The following AMOTL2 variants were observed in gnomAD, a reference collection of about 807,000 sequenced individuals.
The protein encoded by AMOTL2 is angiomotin-like protein 2.
AMOTL2 carries 33 observed loss-of-function variants against 78.4 expected under a neutral mutation model. That is an observed-to-expected ratio of 0.42 (90% CI 0.32 to 0.56). The LOEUF (loss-of-function observed/expected upper bound fraction) is 0.56. AMOTL2 is among the 20% of genes least tolerant of loss of function. The pLI is 0.12. For synonymous variants in AMOTL2, 422 were observed against 428.8 expected, an observed-to-expected ratio of 0.98 and a Z score of 0.20; for missense variants, 983 against 1,030.1, an observed-to-expected ratio of 0.95 and a Z score of 0.63.
intron 5 of AMOTL2, among the ~76,000 whole-genome samples, chr3:134,363,303 AATACGAGG>A (rs2017454285): frequency 1.0e-5 from 1 of 95,964 alleles, no homozygotes. Flanking sequence ...CATGGAGGAA[AATACGAGG>A]AAGTCCAATA....
In AMOTL2 at chr3:134,368,850, T is replaced by G. The variant is rs371212239; in HGVS notation, c.735-1047A>C. Among the ~76,000 whole-genome samples, 14 of 152,258 alleles carry G rather than the reference T, an allele frequency of 9.2e-5. No homozygotes were observed. The East Asian group carries it at 2.5e-3, about 27-fold the overall frequency. ...GTGTAACATCACCCCCAGGGCTCCA[T>G]GTTGAGGGAAGGAGCAAAGGGCAAG... On this transcript the variant is annotated intron_variant, in intron 2 of 9. Transcript: ENST00000249883.
chr3:134,358,760 T>C (rs1221911939), intron 8 of AMOTL2, 41 bp from the exon 9 acceptor site: 6 of 1,608,740 alleles, frequency 3.7e-6, no homozygotes, highest in East Asian at 2.2e-5. Context: ...GCCTGTAAGA[T>C]GTGGCCCTGG....
chr3:134,370,753 A>G lies in AMOTL2; in HGVS notation c.681T>C (p.Thr227=). ...TGCCGCGGGCACGGTACCGTGGGTC[A>G]GTGACAGCAGTGGTGGTCTCATGAG... The part of the protein sequence containing the change: ...VLAHETTTAV[T]DPRYRARGSP... Residue 227 remains threonine, a synonymous_variant, in exon 2 of 10, where the codon ACT becomes ACC. Coordinates refer to ENST00000249883, the MANE Select transcript of AMOTL2 (RefSeq NM_016201.4). 1 of 1,515,796 alleles carries G rather than the reference A, an allele frequency of 6.6e-7. No homozygotes were observed. Among genetic ancestry groups the G allele is most frequent in the Non-Finnish European group, 8.8e-7 (1 of 1,132,006 alleles). The allele number at this position is 1,515,796 out of a possible 1,614,324, so 93.9% of individuals were successfully genotyped here. A position where few individuals can be genotyped will look rare whatever the true frequency, so the allele number is the denominator to read the frequency against.
intron 9 of AMOTL2, 84 bp downstream of exon 9, chr3:134,358,456 G>A: frequency 6.7e-7 from 1 of 1,486,730 alleles, no homozygotes; most frequent in Non-Finnish European, 9.0e-7. Context: ...AGGGGGTCTG[G>A]GAAGAAAAGG....
At chr3:134,360,554 C>T in intron 6 of AMOTL2, 141 bp from the exon 7 acceptor site, 1 of 755,826 alleles carries the variant, frequency 1.3e-6, no homozygotes, top group Non-Finnish European at 2.1e-6. Flanking sequence ...CCTTCCTCTA[C>T]CGAAATGGGG....
intron 5 of AMOTL2, among the ~76,000 whole-genome samples, chr3:134,362,456 G>A (rs566870859): frequency 6.6e-5 from 10 of 152,244 alleles, no homozygotes; most frequent in African/African-American, 2.4e-4. Flanking sequence ...GCTACATGGT[G>A]AGGCGTTTGT....
chr3:134,363,157 C>T (rs191342547), intron 5 of AMOTL2, among the ~76,000 whole-genome samples: 280 of 152,298 alleles, frequency 1.8e-3, no homozygotes, highest in African/African-American at 3.9e-3. Flanking sequence ...AGGCTTGAGA[C>T]CTTGGCATGT....
In AMOTL2 at chr3:134,360,386, T is replaced by G. The variant is rs753439957; in HGVS notation, c.1603A>C (p.Ser535Arg). ...QRQAGAPGGS[S>R]GSGGSPELSA... ...AGCTCTGGAGACCCACCACTGCCACTGCTACCACCTGGGGCACCTGCCTGT... is the reference window on the plus strand; with the variant it reads ...AGCTCTGGAGACCCACCACTGCCACGGCTACCACCTGGGGCACCTGCCTGT... Residue 535 changes from serine (S) to arginine (R), a missense_variant, in exon 7 of 10, where the codon AGT becomes CGT. Coordinates refer to ENST00000249883, the MANE Select transcript of AMOTL2 (RefSeq NM_016201.4). 1 of 1,612,538 alleles carries G rather than the reference T, an allele frequency of 6.2e-7. No individual in the cohort carries two copies. The highest frequency in any genetic ancestry group is 1.1e-5 in the South Asian group (1 of 91,066).
chr3:134,371,127 C>T lies in AMOTL2; in HGVS notation c.307G>A (p.Glu103Lys). The change falls in exon 2 of 10, where the codon GAG (glutamate) becomes AAG (lysine). Residue 103 changes from glutamate to lysine, a missense_variant. By Grantham distance (56) the Glu-to-Lys change is moderately conservative. Coordinates refer to ENST00000249883, the MANE Select transcript of AMOTL2 (RefSeq NM_016201.4). Reference sequence around the variant, plus strand: ...TTGGCCTCCTCATAGGTGGGCAGCTCCTCTCCCTTGCTGGGCTGTGGGCAT... The same window carrying T: ...TTGGCCTCCTCATAGGTGGGCAGCTTCTCTCCCTTGCTGGGCTGTGGGCAT... ...RLCPQPSKGE[E>K]LPTYEEAKAH... 6.2e-7 allele frequency: 1 copy of T among 1,613,604 alleles called. No individual in the cohort carries two copies. The highest frequency in any genetic ancestry group is 8.5e-7 in the Non-Finnish European group (1 of 1,179,846).
At chr3:134,363,844 C>T (rs889441077) in intron 5 of AMOTL2, among the ~76,000 whole-genome samples, 2 of 152,194 alleles carry the variant, frequency 1.3e-5, no homozygotes. Flanking sequence ...GGCCGGAGGA[C>T]CCAGCCCTCT....
chr3:134,374,636 G>A, upstream of AMOTL2: 1 of 985,214 alleles, frequency 1.0e-6, no homozygotes, highest in Non-Finnish European at 1.2e-6. Context: ...CTTCCTCCGG[G>A]GAGGCGGCGC....
Position 134,361,675 on chromosome 3 carries a change from C to T in AMOTL2, c.1412G>A (p.Arg471Gln), listed in dbSNP as rs759434423. The change falls in exon 6 of 10, where the codon CGA becomes CAA. Residue 471 changes from arginine to glutamine, a missense_variant. Arg to Gln is a conservative substitution (Grantham distance 43, BLOSUM62 1). Coordinates refer to ENST00000249883, the MANE Select transcript of AMOTL2 (RefSeq NM_016201.4). ...ALGNAQGRAA[R>Q]AEEELRKKQA... ...CTTCTTGCGCAGCTCCTCTTCGGCTCGAGCTGCCCGGCCCTGCGCATTGCC... is the reference window on the plus strand; with the variant it reads ...CTTCTTGCGCAGCTCCTCTTCGGCTTGAGCTGCCCGGCCCTGCGCATTGCC... The T allele has an allele frequency of 1.4e-5, 22 of 1,611,484 alleles. No individual in the cohort carries two copies. Among genetic ancestry groups the T allele is most frequent in the East Asian group, 2.2e-5 (1 of 44,886 alleles).
intron 5 of AMOTL2, among the ~76,000 whole-genome samples, chr3:134,364,219 G>C (rs1349403397): frequency 6.6e-6 from 1 of 152,030 alleles, no homozygotes; most frequent in Non-Finnish European, 1.5e-5. Flanking sequence ...GCGGGGGGCG[G>C]GCCGGGAGCG....
intron 1 of AMOTL2, among the ~76,000 whole-genome samples, chr3:134,372,316 A>G (rs1173718730): frequency 6.6e-6 from 1 of 152,180 alleles, no homozygotes; most frequent in African/African-American, 2.4e-5. Context: ...GTCATTCTGC[A>G]AGGTGAACAG....
intron 9 of AMOTL2, 56 bp downstream of exon 9, chr3:134,358,484 C>A: frequency 6.4e-7 from 1 of 1,557,088 alleles, no homozygotes. Context: ...TTCCAGTTCA[C>A]ACCCCAGTGC....
intron 3 of AMOTL2, 128 bp from the exon 4 acceptor site, chr3:134,366,555 G>A (rs2017612909): frequency 1.1e-6 from 1 of 915,468 alleles, no homozygotes; most frequent in Non-Finnish European, 1.6e-6. Flanking sequence ...AAAACCTCCA[G>A]GTGACTATGG....
intron 1 of AMOTL2, 137 bp downstream of exon 1, chr3:134,374,205 C>T: frequency 1.0e-6 from 1 of 981,272 alleles, no homozygotes; most frequent in East Asian, 1.1e-4. Context: ...CGAAAGGGCG[C>T]ACTGCGCCCC....
chr3:134,374,920 T>TGTGTGTGC, upstream of AMOTL2: 1 of 1,241,158 alleles, frequency 8.1e-7, no homozygotes, highest in South Asian at 1.7e-5. Context: ...TGTGTGTGTG[T>TGTGTGTGC]GTGTGTGCGT....
chr3:134,360,289 G>A lies in AMOTL2; in HGVS notation c.1700C>T (p.Thr567Ile). 6.2e-7 allele frequency: 1 copy of A among 1,614,224 alleles called. No homozygotes were observed. Among genetic ancestry groups the A allele is most frequent in the South Asian group, 1.1e-5 (1 of 91,082 alleles). Residue 567 changes from threonine to isoleucine, a missense_variant, in exon 7 of 10, where the codon ACC becomes ATC. Thr to Ile is a moderately conservative substitution (Grantham distance 89, BLOSUM62 -1). Coordinates refer to ENST00000249883, the MANE Select transcript of AMOTL2 (RefSeq NM_016201.4). Reference protein sequence around the residue: ...EQILALEADMTKWEQKYLEER... With the variant: ...EQILALEADMIKWEQKYLEER... The stretch of plus-strand genomic sequence containing the variant: ...CTCCAAATACTTCTGCTCCCACTTG[G>A]TCATGTCGGCCTCCAGCGCCAGGAT...
Sources: gnomAD v4.1 joint callset for allele counts (sites outside exome capture counted in the v4.1 genomes callset) on GRCh38, gnomAD v4.1.1 for gene constraint, MANE v1.5 for transcripts, NCBI Gene and HGNC (gene_info 2026-07-23, HGNC 2026-07-21) for gene names.